Variants in ALDH1A1 observed in about 807,000 individuals in gnomAD.
ALDH1A1 encodes the protein aldehyde dehydrogenase 1A1.
Under a neutral mutation model 62.1 loss-of-function variants are expected in ALDH1A1, and 19 were observed. That is an observed-to-expected ratio of 0.31 (90% confidence interval 0.21 to 0.45). The LOEUF is 0.45. Ranked by LOEUF, ALDH1A1 falls within the 20% of genes least tolerant of loss-of-function variation. The pLI, the probability that ALDH1A1 is intolerant of heterozygous loss-of-function variation, is 1.00. For missense variants in ALDH1A1, 521 were observed against 607.1 expected (o/e 0.86, Z 1.49); for synonymous variants, 231 against 215.9 (o/e 1.07, Z -0.61).
chr9:72,902,387 A>T (rs1030419012), intron 12 of ALDH1A1, among the ~76,000 whole-genome samples: 2 of 151,986 alleles, frequency 1.3e-5, no homozygotes, highest in Non-Finnish European at 2.9e-5. Flanking sequence ...CCTTCTTGTG[A>T]TGTAGACAGG....
intron 12 of ALDH1A1, among the ~76,000 whole-genome samples, chr9:72,901,651 T>G (rs989699666): frequency 2.0e-5 from 3 of 152,014 alleles, no homozygotes; most frequent in African/African-American, 7.2e-5. Flanking sequence ...AAAAGACAAT[T>G]CGACCCAACA....
intron 1 of ALDH1A1, among the ~76,000 whole-genome samples, chr9:72,945,208 G>A (rs1218731978): frequency 3.3e-5 from 5 of 151,954 alleles, no homozygotes; most frequent in Non-Finnish European, 7.4e-5. Flanking sequence ...TTTGACTAGT[G>A]GCAAAATAAA....
intron 1 of ALDH1A1, among the ~76,000 whole-genome samples, chr9:72,951,254 A>C (rs919934285): frequency 3.3e-5 from 5 of 151,874 alleles, no homozygotes; most frequent in African/African-American, 1.2e-4. Flanking sequence ...TCTCAAAATC[A>C]TCTCTCTGTG....
At chr9:72,937,168 C>A (rs1051907484) in intron 2 of ALDH1A1, among the ~76,000 whole-genome samples, 3 of 152,014 alleles carry the variant, frequency 2.0e-5, no homozygotes, top group African/African-American at 7.2e-5. Context: ...AAGAAGACTA[C>A]TTCATAGATT....
At chr9:72,941,384 G>C (rs1042254234) in intron 1 of ALDH1A1, among the ~76,000 whole-genome samples, 1 of 152,056 alleles carries the variant, frequency 6.6e-6, no homozygotes, top group African/African-American at 2.4e-5. Flanking sequence ...AATTCTATCA[G>C]AGTAATAAAA....
At chr9:72,939,324 C>A (rs1416739156) in intron 2 of ALDH1A1, among the ~76,000 whole-genome samples, 3 of 151,868 alleles carry the variant, frequency 2.0e-5, no homozygotes, top group African/African-American at 4.8e-5. Flanking sequence ...TTTGTTGTTT[C>A]TATTATTAGC....
chr9:72,946,337 TG>T (rs1407252323), intron 1 of ALDH1A1, among the ~76,000 whole-genome samples: 4 of 151,906 alleles, frequency 2.6e-5, no homozygotes, highest in Non-Finnish European at 5.9e-5. Flanking sequence ...GGACCAGGGT[TG>T]GGGGAGGGAA....
At chr9:72,917,221 C>T (rs1483166580) in intron 8 of ALDH1A1, 117 bp from the exon 9 acceptor site, 3 of 772,362 alleles carry the variant, frequency 3.9e-6, no homozygotes, top group Non-Finnish European at 5.3e-6. Context: ...CAGACATGGG[C>T]TCAGTATAGT....
intron 1 of ALDH1A1, 135 bp from the exon 2 acceptor site, chr9:72,940,387 C>A: frequency 1.5e-6 from 1 of 653,438 alleles, no homozygotes; most frequent in Non-Finnish European, 2.7e-6. Flanking sequence ...AACTTTCTGG[C>A]TGTTTGAGAC....
chr9:72,945,051 TG>T (rs1440879563), intron 1 of ALDH1A1, among the ~76,000 whole-genome samples: 11 of 152,138 alleles, frequency 7.2e-5, no homozygotes, highest in Non-Finnish European at 1.5e-4. Context: ...TGGATTCAAC[TG>T]GTGTCCAAGA....
intron 2 of ALDH1A1, among the ~76,000 whole-genome samples, chr9:72,932,336 T>A (rs8187912): frequency 1.3e-5 from 2 of 152,170 alleles, no homozygotes; most frequent in Non-Finnish European, 2.9e-5. Context: ...TCCCCTCAAA[T>A]GGACCTCAAA....
Position 72,936,763 on chromosome 9 carries a change from T to C in ALDH1A1, c.171+3385A>G, listed in dbSNP as rs1316836905. Among the ~76,000 whole-genome samples the C allele has an allele frequency of 3.3e-4, 50 of 152,122 alleles. 1 individual carries two copies. The highest frequency in any genetic ancestry group is 3.3e-3 in the Admixed American group (50 of 15,258). ...GGTAGCATTTCAGAGAGGTGCAGAG[T>C]GATCACCACAGTACAGTTTTCAATC... On this transcript the variant is annotated intron_variant, in intron 2 of 12. Transcript: ENST00000297785.
At chr9:72,908,556 A>AAAGAAAGAAAGAAAGAAAGAAAAGAAAG (rs1829921581) in intron 11 of ALDH1A1, among the ~76,000 whole-genome samples, 2 of 3,860 alleles carry the variant, frequency 5.2e-4, no homozygotes, top group Non-Finnish European at 6.4e-4. Context: ...AAGAAAGAAG[A>AAAGAAAGAAAGAAAGAAAGAAAAGAAAG]AAGAAAGAAA....
rs60773733 is a variant in ALDH1A1 at position 72,903,168 on chromosome 9, A to G, written c.1434-1888T>C. Among the ~76,000 whole-genome samples the G allele has an allele frequency of 8.6e-3, 1,309 of 152,110 alleles. 18 individuals are homozygous for G. The highest frequency in any genetic ancestry group is 0.03 in the African/African-American group (1,256 of 41,534). On this transcript the variant is annotated intron_variant, in intron 12 of 12. Transcript: ENST00000297785. ...GCTCCCTTTTCTATGGGACAGGAGG[A>G]AAAAAATATGGTGGGAGGGGCTAAG...
chr9:72,926,793 A>G (rs997504244), intron 5 of ALDH1A1, among the ~76,000 whole-genome samples: 1 of 152,242 alleles, frequency 6.6e-6, no homozygotes, highest in Non-Finnish European at 1.5e-5. Context: ...GCACCTTGCC[A>G]TATACATGTA....
chr9:72,920,032 T>C (rs551400407), intron 7 of ALDH1A1, among the ~76,000 whole-genome samples: 31 of 152,310 alleles, frequency 2.0e-4, no homozygotes, highest in African/African-American at 7.2e-4. Context: ...CTTTCTTTTT[T>C]AAAGGCAATT....
intron 2 of ALDH1A1, among the ~76,000 whole-genome samples, chr9:72,939,738 G>A (rs1469556206): frequency 6.6e-6 from 1 of 151,786 alleles, no homozygotes; most frequent in Non-Finnish European, 1.5e-5. Context: ...GGCTGGTCTC[G>A]AACTCGTGAC....
chr9:72,939,979 A>ATTTT (rs33988381), intron 2 of ALDH1A1, among the ~76,000 whole-genome samples, 169 bp downstream of exon 2: 14 of 143,702 alleles, frequency 9.7e-5, no homozygotes, highest in East Asian at 2.0e-4. Context: ...ACTACAGAGC[A>ATTTT]TTTTTTTTTT....
chr9:72,935,018 T>C (rs890265095), intron 2 of ALDH1A1, among the ~76,000 whole-genome samples: 1 of 152,162 alleles, frequency 6.6e-6, no homozygotes, highest in African/African-American at 2.4e-5. Context: ...TTTTGAATAA[T>C]TTGGTTACCT....
Sources: gnomAD v4.1 joint callset for allele counts (sites outside exome capture counted in the v4.1 genomes callset) on GRCh38, gnomAD v4.1.1 for gene constraint, MANE v1.5 for transcripts, NCBI Gene and HGNC (gene_info 2026-07-23, HGNC 2026-07-21) for gene names.